The following CNTNAP2 variants were observed in gnomAD, a reference collection of about 807,000 sequenced individuals.
CNTNAP2 encodes the protein contactin-associated protein-like 2.
A neutral mutation model predicts 155.2 loss-of-function variants in CNTNAP2; 98 were observed. That is an observed-to-expected ratio of 0.63 (90% confidence interval 0.54 to 0.75). The LOEUF (loss-of-function observed/expected upper bound fraction) is 0.75, where lower values mean the gene tolerates loss of function less well. Among genes scored for constraint, CNTNAP2 ranks in the 30% least tolerant of loss-of-function variants. CNTNAP2 has a pLI of 0.00. For missense variants in CNTNAP2, 1,727 were observed against 1,688.1 expected, an observed-to-expected ratio of 1.02 and a Z score of -0.40; for synonymous variants, 651 against 631.2, an observed-to-expected ratio of 1.03 and a Z score of -0.47.
chr7:147,873,912 A>G (rs1799377760), intron 13 of CNTNAP2, among the ~76,000 whole-genome samples: 3 of 152,216 alleles, frequency 2.0e-5, no homozygotes. Flanking sequence ...AAGGGGCTAC[A>G]GGCTCCATGC....
At position 146,526,298 on chromosome 7, in the gene CNTNAP2, C is replaced by T. The variant is rs569570267; in HGVS notation, c.98-247973C>T. Among the ~76,000 whole-genome samples, 14 of 152,252 alleles carry T rather than the reference C, an allele frequency of 9.2e-5. No individual in the cohort carries two copies. The South Asian group carries it at 2.9e-3, about 32-fold the overall frequency. On this transcript the variant is annotated intron_variant, in intron 1 of 23. Transcript: ENST00000361727. The stretch of plus-strand genomic sequence containing the variant: ...ATTCTTGCATTGCTATAGGAAATTC[C>T]TAAGATCGAGTAATTTATAAGGAAA...
At chr7:148,134,232 C>T (rs2972115) in intron 16 of CNTNAP2, among the ~76,000 whole-genome samples, 2 of 152,168 alleles carry the variant, frequency 1.3e-5, no homozygotes, top group African/African-American at 4.8e-5. Context: ...TGCCAACTGA[C>T]TTTTTATGAA....
intron 3 of CNTNAP2, among the ~76,000 whole-genome samples, chr7:146,983,497 G>A (rs1428275461): frequency 2.6e-5 from 4 of 152,142 alleles, no homozygotes; most frequent in Non-Finnish European, 4.4e-5. Flanking sequence ...CTAAAGAGTT[G>A]CTTCAGGATG....
chr7:147,552,571 AACACAC>A (rs34755315), intron 11 of CNTNAP2, among the ~76,000 whole-genome samples: 17,288 of 142,870 alleles, frequency 0.12, 1,332 homozygotes, highest in Admixed American at 0.24. Flanking sequence ...TACTTTCCTC[AACACAC>A]ACACACACAC....
chr7:148,320,849 G>A (rs1797780018), intron 21 of CNTNAP2, among the ~76,000 whole-genome samples: 2 of 152,208 alleles, frequency 1.3e-5, no homozygotes, highest in Non-Finnish European at 2.9e-5. Context: ...AGAAGGAATA[G>A]TTTTAACCTC....
intron 8 of CNTNAP2, among the ~76,000 whole-genome samples, chr7:147,216,614 C>T (rs1603449): frequency 1.3e-5 from 2 of 151,766 alleles, no homozygotes; most frequent in Non-Finnish European, 2.9e-5. Context: ...CAGATAATAT[C>T]AAAGCTTCAA....
chr7:148,021,511 C>A (rs79802901), intron 15 of CNTNAP2, among the ~76,000 whole-genome samples: 1 of 152,166 alleles, frequency 6.6e-6, no homozygotes, highest in Non-Finnish European at 1.5e-5. Flanking sequence ...AGATGAGAAG[C>A]ATTTCTAGGG....
At chr7:147,552,479 A>G (rs1289109117) in intron 11 of CNTNAP2, among the ~76,000 whole-genome samples, 1 of 152,000 alleles carries the variant, frequency 6.6e-6, no homozygotes, top group African/African-American at 2.4e-5. Flanking sequence ...AACACTTTTT[A>G]ATTTAAAAAT....
At chr7:147,242,761 T>A (rs1803965522) in intron 8 of CNTNAP2, among the ~76,000 whole-genome samples, 1 of 152,090 alleles carries the variant, frequency 6.6e-6, no homozygotes, top group African/African-American at 2.4e-5. Flanking sequence ...TCTCTGCACA[T>A]TTCTCTACCC....
intron 1 of CNTNAP2, among the ~76,000 whole-genome samples, chr7:146,729,880 T>A (rs1801494971): frequency 6.6e-6 from 1 of 152,162 alleles, no homozygotes; most frequent in South Asian, 2.1e-4. Context: ...ACATAGTTTT[T>A]AAAAGGTGAG....
At chr7:148,212,304 G>C (rs903481759) in intron 18 of CNTNAP2, among the ~76,000 whole-genome samples, 5 of 152,094 alleles carry the variant, frequency 3.3e-5, no homozygotes, top group African/African-American at 1.2e-4. Flanking sequence ...CCTGTGATGA[G>C]GACCAAGAAA....
intron 1 of CNTNAP2, among the ~76,000 whole-genome samples, chr7:146,747,128 A>G (rs1348580600): frequency 2.0e-5 from 3 of 152,152 alleles, no homozygotes; most frequent in Non-Finnish European, 4.4e-5. Flanking sequence ...AAGAAAACCT[A>G]TTAAATGACT....
At chr7:147,947,969 C>A (rs1800850027) in intron 14 of CNTNAP2, among the ~76,000 whole-genome samples, 1 of 151,796 alleles carries the variant, frequency 6.6e-6, no homozygotes, top group Non-Finnish European at 1.5e-5. Flanking sequence ...CTCTATTGGC[C>A]TAATTACCAA....
chr7:147,483,872 C>G (rs1055317252), intron 10 of CNTNAP2, among the ~76,000 whole-genome samples: 1 of 152,204 alleles, frequency 6.6e-6, no homozygotes. Context: ...AGGACCCTCA[C>G]AACCCTGCAC....
chr7:146,133,032 G>A (rs1179505171), intron 1 of CNTNAP2, among the ~76,000 whole-genome samples: 2 of 142,638 alleles, frequency 1.4e-5, no homozygotes, highest in East Asian at 4.0e-4. Flanking sequence ...CCCACCAACA[G>A]TGTAAAAGTG....
At chr7:147,826,792 C>A (rs1377481163) in intron 13 of CNTNAP2, among the ~76,000 whole-genome samples, 1 of 152,056 alleles carries the variant, frequency 6.6e-6, no homozygotes, top group Non-Finnish European at 1.5e-5. Context: ...AGTCACAGGA[C>A]AAAAGTGGAC....
intron 13 of CNTNAP2, among the ~76,000 whole-genome samples, chr7:147,877,523 A>G (rs1799441750): frequency 6.6e-6 from 1 of 152,256 alleles, no homozygotes; most frequent in Non-Finnish European, 1.5e-5. Flanking sequence ...GTGCCCTAGA[A>G]GGTTCTAAAT....
chr7:147,023,429 C>T (rs1798849074), intron 3 of CNTNAP2, among the ~76,000 whole-genome samples: 1 of 152,108 alleles, frequency 6.6e-6, no homozygotes, highest in Admixed American at 6.5e-5. Context: ...TAGAGAGATG[C>T]CGTGTATCCT....
chr7:147,234,945 A>G (rs1420666148), intron 8 of CNTNAP2, among the ~76,000 whole-genome samples: 2 of 152,098 alleles, frequency 1.3e-5, no homozygotes, highest in African/African-American at 4.8e-5. Context: ...AGACGCTTTG[A>G]TGGTTAATGT....
Sources: allele counts gnomAD v4.1 joint callset (sites outside exome capture counted in the v4.1 genomes callset), GRCh38; gene constraint gnomAD v4.1.1; transcripts MANE v1.5; gene names NCBI Gene and HGNC (gene_info 2026-07-23, HGNC 2026-07-21).